Variants in SLC39A10 observed in about 807,000 individuals in gnomAD.
The protein encoded by SLC39A10 is solute carrier family 39 member 10.
A neutral mutation model predicts 65.1 loss-of-function variants in SLC39A10; 13 were observed. That is an observed-to-expected ratio of 0.20 (90% CI 0.13 to 0.32). The LOEUF is 0.32. SLC39A10 is among the 10% of genes least tolerant of loss of function. SLC39A10 has a pLI of 1.00. For missense variants in SLC39A10, 831 were observed against 1,018.4 expected (o/e 0.82, Z 2.50); for synonymous variants, 321 against 342.2 (o/e 0.94, Z 0.68).
Position 195,736,479 on chromosome 2 carries a change from C to A in SLC39A10, c.*1438C>A. On this transcript the variant is annotated 3_prime_UTR_variant, in exon 10 of 10. Transcript: ENST00000359634. ...CAGTGTAGCTGCTGTAACAATCTAT[C>A]TTATTGTTCAAATATATAAGAGCCA... 6.1e-6 allele frequency: 1 copy of A among 163,142 alleles called. No homozygotes were observed. 10.1% of individuals were successfully genotyped at this position (163,142 alleles called of 1,614,324 possible).
chr2:195,644,630 G>T (rs1364087038), intron 2 of SLC39A10, among the ~76,000 whole-genome samples: 1 of 151,466 alleles, frequency 6.6e-6, no homozygotes, highest in Admixed American at 6.6e-5. Flanking sequence ...ATGAGCCACA[G>T]GCCCCTCAAC....
intron 6 of SLC39A10, 109 bp from the exon 7 acceptor site, chr2:195,716,528 C>A (rs1053081090): frequency 4.1e-5 from 35 of 843,702 alleles, no homozygotes; most frequent in Non-Finnish European, 5.0e-5. Context: ...TTTAAGAATT[C>A]TAAAAGACAT....
At chr2:195,650,918 T>TAAA (rs10534486) in intron 2 of SLC39A10, among the ~76,000 whole-genome samples, 1 of 148,026 alleles carries the variant, frequency 6.8e-6, no homozygotes. Context: ...GAAAGGAGTT[T>TAAA]AAAAAAAAAA....
chr2:195,651,910 T>C (rs1289216175), upstream of SLC39A10, among the ~76,000 whole-genome samples: 1 of 152,220 alleles, frequency 6.6e-6, no homozygotes, highest in African/African-American at 2.4e-5. Context: ...CTGTAACTTA[T>C]TTGAAGATAT....
chr2:195,732,692 T>C (rs550209117), intron 9 of SLC39A10, among the ~76,000 whole-genome samples: 64 of 152,336 alleles, frequency 4.2e-4, no homozygotes, highest in South Asian at 1.2e-3. Context: ...AAAATAGTCT[T>C]ACTAGAACCA....
intron 4 of SLC39A10, among the ~76,000 whole-genome samples, chr2:195,707,472 A>AT (rs1337150642): frequency 2.0e-5 from 3 of 152,080 alleles, no homozygotes; most frequent in African/African-American, 7.2e-5. Context: ...AGTATTGAGT[A>AT]TTTCCCTTCT....
At chr2:195,657,625 C>T (rs1432434881) in intron 1 of SLC39A10, 43 of 985,188 alleles carry the variant, frequency 4.4e-5, no homozygotes, top group Non-Finnish European at 5.2e-5. Context: ...CGGAGCCTCG[C>T]GGGCCGCGCC....
chr2:195,731,886 G>A (rs1692443551), intron 9 of SLC39A10, among the ~76,000 whole-genome samples: 3 of 152,136 alleles, frequency 2.0e-5, no homozygotes, highest in African/African-American at 7.2e-5. Flanking sequence ...ACTATATTCT[G>A]AGGAAATAAC....
intron 3 of SLC39A10, among the ~76,000 whole-genome samples, chr2:195,691,786 T>G (rs1334358428): frequency 6.6e-6 from 1 of 152,258 alleles, no homozygotes; most frequent in Non-Finnish European, 1.5e-5. Flanking sequence ...GATGCATAGA[T>G]TGTGAAGATT....
intron 3 of SLC39A10, among the ~76,000 whole-genome samples, chr2:195,706,026 G>C (rs1691385673): frequency 6.6e-6 from 1 of 152,112 alleles, no homozygotes; most frequent in East Asian, 1.9e-4. Flanking sequence ...ATGGGAGTTT[G>C]GAACCAGGTG....
intron 3 of SLC39A10, among the ~76,000 whole-genome samples, chr2:195,686,912 T>C (rs1415309812): frequency 6.6e-6 from 1 of 152,232 alleles, no homozygotes; most frequent in Non-Finnish European, 1.5e-5. Flanking sequence ...TTTATAGAAT[T>C]ATTTTTAGTA....
At chr2:195,638,630 C>T (rs1688740663) in intron 2 of SLC39A10, among the ~76,000 whole-genome samples, 1 of 152,254 alleles carries the variant, frequency 6.6e-6, no homozygotes, top group African/African-American at 2.4e-5. Flanking sequence ...AGGCATGAGC[C>T]ACCGCACCCA....
intron 1 of SLC39A10, among the ~76,000 whole-genome samples, chr2:195,677,657 A>G (rs1276904586): frequency 6.6e-6 from 1 of 151,826 alleles, no homozygotes; most frequent in Non-Finnish European, 1.5e-5. Flanking sequence ...TCATCTATGC[A>G]TGAAGCTGTA....
intron 2 of SLC39A10, among the ~76,000 whole-genome samples, chr2:195,615,810 T>C (rs1250213623): frequency 2.0e-5 from 3 of 152,218 alleles, no homozygotes; most frequent in Non-Finnish European, 2.9e-5. Context: ...TTTAAAAAAT[T>C]ATTCTAACAT....
chr2:195,699,015 T>C (rs535310833), intron 3 of SLC39A10, among the ~76,000 whole-genome samples: 1 of 152,192 alleles, frequency 6.6e-6, no homozygotes, highest in Admixed American at 6.5e-5. Flanking sequence ...TTTTCATGAT[T>C]TAGTCTTGGT....
chr2:195,709,193 TTGTATGTATGTATGTATGTATGTA>T (rs59346406), intron 5 of SLC39A10, among the ~76,000 whole-genome samples: 2 of 145,032 alleles, frequency 1.4e-5, no homozygotes, highest in Admixed American at 7.0e-5. Context: ...CCCAGCTAAC[TTGTATGTATGTATGTATGTATGTA>T]TGTATGTATG....
At chr2:195,659,388 T>C (rs1164346630) in intron 1 of SLC39A10, among the ~76,000 whole-genome samples, 4 of 152,200 alleles carry the variant, frequency 2.6e-5, no homozygotes. Context: ...TGATTTGAAG[T>C]ACTTTGAGTA....
intron 2 of SLC39A10, among the ~76,000 whole-genome samples, chr2:195,640,377 T>C (rs904860676): frequency 4.0e-5 from 6 of 149,890 alleles, no homozygotes; most frequent in Non-Finnish European, 8.9e-5. Flanking sequence ...CCCAGAGTGA[T>C]CAAATTGGAT....
Position 195,736,385 on chromosome 2 carries a change from C to G in SLC39A10, c.*1344C>G, listed in dbSNP as rs932151661. 2 of 166,670 alleles carry G rather than the reference C, an allele frequency of 1.2e-5. No homozygotes were observed. Among genetic ancestry groups the G allele is most frequent in the Non-Finnish European group, 2.9e-5 (2 of 68,104 alleles). The allele number at this position is 166,670 out of a possible 1,614,324, so 10.3% of individuals were successfully genotyped here. On this transcript the variant is annotated 3_prime_UTR_variant, in exon 10 of 10. Transcript: ENST00000359634. ...CTGTTTACATCCTATGCCACATGGT[C>G]TTCATTTATGCCAGGTAAACTGTAT...
Sources: gnomAD v4.1 joint callset for allele counts (sites outside exome capture counted in the v4.1 genomes callset) on GRCh38, gnomAD v4.1.1 for gene constraint, MANE v1.5 for transcripts, NCBI Gene and HGNC (gene_info 2026-07-23, HGNC 2026-07-21) for gene names.